The following VKORC1L1 variants were observed in gnomAD, a reference collection of about 807,000 sequenced individuals.
VKORC1L1 encodes the protein vitamin K epoxide reductase complex subunit 1L1.
VKORC1L1 carries 2 observed loss-of-function variants against 18.9 expected under a neutral mutation model. That is an observed-to-expected ratio of 0.11 (90% confidence interval 0.04 to 0.33). VKORC1L1 has a LOEUF of 0.33. VKORC1L1 is among the 10% of genes least tolerant of loss of function. The probability of loss-of-function intolerance (pLI) is 1.00; values close to 1 mark genes in which losing one functional copy is unlikely to be tolerated. For missense variants in VKORC1L1, 123 were observed against 224.1 expected, an observed-to-expected ratio of 0.55 and a Z score of 2.88; for synonymous variants, 96 against 100.0, an observed-to-expected ratio of 0.96 and a Z score of 0.24.
intron 1 of VKORC1L1, among the ~76,000 whole-genome samples, chr7:65,921,765 A>G (rs924641481): frequency 6.6e-6 from 1 of 151,806 alleles, no homozygotes; most frequent in Non-Finnish European, 1.5e-5. Flanking sequence ...GGAGAATGGC[A>G]TGAACCCGGG....
At chr7:65,874,027 T>C (rs1332599427) in intron 1 of VKORC1L1, among the ~76,000 whole-genome samples, 1 of 152,050 alleles carries the variant, frequency 6.6e-6, no homozygotes, top group African/African-American at 2.4e-5. Context: ...CAGCCGAGGC[T>C]TTGGGGCCGG....
intron 1 of VKORC1L1, among the ~76,000 whole-genome samples, chr7:65,911,057 T>C (rs947253884): frequency 6.6e-6 from 1 of 152,198 alleles, no homozygotes; most frequent in African/African-American, 2.4e-5. Flanking sequence ...GCTACAATCC[T>C]GAACTCAGTA....
intron 1 of VKORC1L1, among the ~76,000 whole-genome samples, chr7:65,914,006 C>T (rs971378574): frequency 1.3e-5 from 2 of 152,084 alleles, no homozygotes; most frequent in African/African-American, 4.8e-5. Context: ...ACACCTTAGA[C>T]TCCAACCCTT....
chr7:65,938,139 C>T (rs561649980), intron 1 of VKORC1L1, among the ~76,000 whole-genome samples: 3 of 151,890 alleles, frequency 2.0e-5, no homozygotes, highest in Admixed American at 6.6e-5. Flanking sequence ...ACCCAGGAGG[C>T]GGAGGTTACA....
intron 1 of VKORC1L1, among the ~76,000 whole-genome samples, chr7:65,932,317 C>T (rs1227643517): frequency 1.3e-5 from 2 of 152,102 alleles, no homozygotes; most frequent in East Asian, 3.8e-4. Flanking sequence ...AGGCTGGTCT[C>T]GAACATCTGA....
At chr7:65,942,268 A>T (rs1309345568) in intron 1 of VKORC1L1, among the ~76,000 whole-genome samples, 1 of 151,756 alleles carries the variant, frequency 6.6e-6, no homozygotes, top group Non-Finnish European at 1.5e-5. Context: ...CGAGCGGATC[A>T]TGAGGTCAGG....
intron 1 of VKORC1L1, among the ~76,000 whole-genome samples, chr7:65,911,650 C>A (rs1044141871): frequency 2.0e-5 from 3 of 152,182 alleles, no homozygotes; most frequent in African/African-American, 7.2e-5. Flanking sequence ...CCAGGTTAGT[C>A]TTGAACTCCT....
chr7:65,948,128 C>T (rs992628952), intron 1 of VKORC1L1, among the ~76,000 whole-genome samples: 1 of 152,116 alleles, frequency 6.6e-6, no homozygotes, highest in African/African-American at 2.4e-5. Flanking sequence ...TGGGGGCAGT[C>T]GTGTCCCAGC....
chr7:65,885,586 G>C (rs1788997779), intron 1 of VKORC1L1, among the ~76,000 whole-genome samples: 3 of 151,280 alleles, frequency 2.0e-5, no homozygotes, highest in Admixed American at 6.6e-5. Context: ...ATTTCCTTTT[G>C]TGTCTAGTGT....
chr7:65,876,002 G>A (rs1327208207), intron 1 of VKORC1L1, among the ~76,000 whole-genome samples: 1 of 152,164 alleles, frequency 6.6e-6, no homozygotes, highest in Non-Finnish European at 1.5e-5. Flanking sequence ...AATCTTGAGA[G>A]GCAGGTGTTA....
At chr7:65,927,076 C>T (rs571620299) in intron 1 of VKORC1L1, among the ~76,000 whole-genome samples, 2 of 152,156 alleles carry the variant, frequency 1.3e-5, no homozygotes, top group South Asian at 2.1e-4. Flanking sequence ...CACTTGAGGC[C>T]AGGAGTTCAA....
chr7:65,932,907 A>G (rs1266729358), intron 1 of VKORC1L1, among the ~76,000 whole-genome samples: 2 of 151,876 alleles, frequency 1.3e-5, no homozygotes, highest in Non-Finnish European at 2.9e-5. Flanking sequence ...ATGAAACCCC[A>G]TGTCTACTAA....
intron 1 of VKORC1L1, among the ~76,000 whole-genome samples, chr7:65,887,181 A>G (rs1241787983): frequency 6.6e-6 from 1 of 152,050 alleles, no homozygotes; most frequent in African/African-American, 2.4e-5. Context: ...CCAAACTTTC[A>G]GTCATTAGAG....
Position 65,873,577 on chromosome 7 carries a change from G to A in VKORC1L1, c.194+12G>A. The A allele has an allele frequency of 6.5e-7, 1 of 1,529,812 alleles. No homozygotes were observed. Among genetic ancestry groups the A allele is most frequent in the Non-Finnish European group, 8.8e-7 (1 of 1,141,760 alleles). The allele number at this position is 1,529,812 out of a possible 1,614,324, so 94.8% of individuals were successfully genotyped here. On this transcript the variant is annotated intron_variant, in intron 1 of 2. Coordinates refer to ENST00000360768, the MANE Select transcript of VKORC1L1 (RefSeq NM_173517.6). Reference sequence around the variant, plus strand: ...GCCCTTGCCTCCAGGTAGCCGGCTTGGGGGAGTGGGCCAGGAGCGGCCGAG... The same window carrying A: ...GCCCTTGCCTCCAGGTAGCCGGCTTAGGGGAGTGGGCCAGGAGCGGCCGAG...
intron 1 of VKORC1L1, among the ~76,000 whole-genome samples, chr7:65,893,540 C>T (rs537364781): frequency 2.0e-5 from 3 of 151,952 alleles, no homozygotes; most frequent in African/African-American, 7.3e-5. Flanking sequence ...GAGACTCTAT[C>T]TCAAAAAAGT....
At chr7:65,870,581 A>C (rs895255169), upstream of VKORC1L1, among the ~76,000 whole-genome samples, 3 of 152,234 alleles carry the variant, frequency 2.0e-5, no homozygotes, top group African/African-American at 4.8e-5. Context: ...TGGATATCTA[A>C]TATAATGGAC....
chr7:65,923,012 C>A (rs928741903), intron 1 of VKORC1L1, among the ~76,000 whole-genome samples: 3 of 152,112 alleles, frequency 2.0e-5, no homozygotes, highest in Non-Finnish European at 4.4e-5. Flanking sequence ...TATTCTTCCC[C>A]TGTTTTTGCT....
intron 1 of VKORC1L1, among the ~76,000 whole-genome samples, chr7:65,934,921 G>GTGGGTGCC (rs1562652578): frequency 6.6e-6 from 1 of 151,988 alleles, no homozygotes; most frequent in African/African-American, 2.4e-5. Context: ...GGGCGTGGTG[G>GTGGGTGCC]TGGGTGCCTG....
rs1215356371 is a variant in VKORC1L1 at position 65,873,156 on chromosome 7, C to T, written c.-216C>T. On this transcript the variant is annotated 5_prime_UTR_variant, in exon 1 of 3. Transcript: ENST00000360768. Reference sequence around the variant, plus strand: ...GCGCCCGCGCGCGCCTTCCCCGCCCCGTCCGCCTCACTCCTTTTGGGGCGG... The same window carrying T: ...GCGCCCGCGCGCGCCTTCCCCGCCCTGTCCGCCTCACTCCTTTTGGGGCGG... The T allele has an allele frequency of 2.1e-6, 1 of 475,646 alleles. No homozygotes were observed. Among genetic ancestry groups the T allele is most frequent in the Non-Finnish European group, 2.7e-6 (1 of 364,464 alleles). The allele number at this position is 475,646 out of a possible 1,614,324, so 29.5% of individuals were successfully genotyped here. A position where few individuals can be genotyped will look rare whatever the true frequency, so the allele number is the denominator to read the frequency against.
Sources: gnomAD v4.1 joint callset for allele counts (sites outside exome capture counted in the v4.1 genomes callset) on GRCh38, gnomAD v4.1.1 for gene constraint, MANE v1.5 for transcripts, NCBI Gene and HGNC (gene_info 2026-07-23, HGNC 2026-07-21) for gene names.